The following AKAP6 variants were observed in gnomAD, a reference collection of about 807,000 sequenced individuals.
AKAP6 encodes A-kinase anchoring protein 6.
AKAP6 carries 58 observed loss-of-function variants against 188.5 expected under a neutral mutation model. The ratio of observed to expected loss-of-function variants is 0.31; its 90% CI spans 0.25 to 0.38. AKAP6 has a LOEUF of 0.38. Ranked by LOEUF, AKAP6 falls within the 10% of genes least tolerant of loss-of-function variation. The pLI, the probability that AKAP6 is intolerant of heterozygous loss-of-function variation, is 1.00. For synonymous variants in AKAP6, 989 were observed against 998.6 expected, an observed-to-expected ratio of 0.99 and a Z score of 0.18; for missense variants, 2,710 against 2,740.0, an observed-to-expected ratio of 0.99 and a Z score of 0.24.
At chr14:32,461,024 C>G (rs1288363841) in intron 2 of AKAP6, among the ~76,000 whole-genome samples, 1 of 152,204 alleles carries the variant, frequency 6.6e-6, no homozygotes, top group African/African-American at 2.4e-5. Flanking sequence ...TAAATTCCTC[C>G]TCACTGGGCA....
At chr14:32,535,524 C>T (rs1882632266) in intron 2 of AKAP6, 30 bp from the exon 3 acceptor site, 1 of 1,597,412 alleles carries the variant, frequency 6.3e-7, no homozygotes, top group South Asian at 1.1e-5. Context: ...GCAAAGTAGT[C>T]CTCACATATG....
intron 12 of AKAP6, among the ~76,000 whole-genome samples, chr14:32,775,776 C>G (rs1047392880): frequency 6.6e-5 from 10 of 152,136 alleles, no homozygotes; most frequent in African/African-American, 1.7e-4. Flanking sequence ...TTGAGGCAAC[C>G]CTGGCTGCTT....
chr14:32,383,677 A>G (rs1463715368), intron 1 of AKAP6, among the ~76,000 whole-genome samples: 1 of 152,148 alleles, frequency 6.6e-6, no homozygotes, highest in Non-Finnish European at 1.5e-5. Context: ...GGGGATGGGG[A>G]GCATACATTT....
At chr14:32,469,692 C>A (rs1007511186) in intron 2 of AKAP6, among the ~76,000 whole-genome samples, 5 of 138,820 alleles carry the variant, frequency 3.6e-5, no homozygotes, top group Admixed American at 2.9e-4. Flanking sequence ...TTTTTGAGAT[C>A]TGATATTTTT....
rs758902977 is a variant in AKAP6, at chr14:32,822,414, A to G, written c.4601A>G (p.His1534Arg). 6.2e-7 allele frequency: 1 copy of G among 1,613,816 alleles called. No homozygotes were observed. Among genetic ancestry groups the G allele is most frequent in the Non-Finnish European group, 8.5e-7 (1 of 1,179,758 alleles). ...PHERILASAS[H>R]EMDRISYKSG... is the part of the protein sequence containing the mutation. ...GAAAGGATTTTGGCAAGTGCATCTCATGAAATGGATCGCATTTCATATAAA... is the reference window on the plus strand; with the variant it reads ...GAAAGGATTTTGGCAAGTGCATCTCGTGAAATGGATCGCATTTCATATAAA... Residue 1534 changes from histidine to arginine, a missense_variant, in exon 13 of 14, where the codon CAT becomes CGT. By Grantham distance (29) the His-to-Arg change is conservative (BLOSUM62 0). This residue lies in a region of AKAP6 where 2,473 missense variants were observed against 2,426.1 expected (regional missense o/e 1.02). Transcript: ENST00000280979.
chr14:32,381,494 G>A (rs1475538141), intron 1 of AKAP6, among the ~76,000 whole-genome samples: 2 of 152,146 alleles, frequency 1.3e-5, no homozygotes, highest in African/African-American at 4.8e-5. Context: ...AACTAACTGA[G>A]AGCATATGAC....
Position 32,587,256 on chromosome 14 carries a change from C to T in AKAP6, c.2469+10014C>T, listed in dbSNP as rs570884291. Reference sequence around the variant, plus strand: ...TTGCTTCAGGATTTATAGGGGCTTTCTATATATTAAGGAAATTAGTCTCTT... The same window carrying T: ...TTGCTTCAGGATTTATAGGGGCTTTTTATATATTAAGGAAATTAGTCTCTT... On this transcript the variant is annotated intron_variant, in intron 5 of 13. Coordinates refer to ENST00000280979, the MANE Select transcript of AKAP6 (RefSeq NM_004274.5). 4.6e-5 allele frequency among the ~76,000 whole-genome samples: 7 copies of T among 151,736 alleles called. No homozygotes were observed. The East Asian group carries it at 1.4e-3, about 29-fold the overall frequency.
intron 2 of AKAP6, among the ~76,000 whole-genome samples, chr14:32,447,307 T>C (rs1890787352): frequency 6.6e-6 from 1 of 152,262 alleles, no homozygotes; most frequent in African/African-American, 2.4e-5. Context: ...TTTCTCCTAC[T>C]TTTTTGTATA....
Position 32,786,298 on chromosome 14 carries a change from C to CTTTTTTTTTTTTTTTTTTT in AKAP6, c.3588+12414_3588+12432dup, listed in dbSNP as rs1162974012. On this transcript the variant is annotated intron_variant, in intron 12 of 13. Transcript: ENST00000280979. ...CCCTCTGAAAGACCTAAACCTTTAT[C>CTTTTTTTTTTTTTTTTTTT]TTTTTTTTTTTTTTTTTTTTTTTTT... 5.0e-4 allele frequency among the ~76,000 whole-genome samples: 41 copies of CTTTTTTTTTTTTTTTTTTT among 82,554 alleles called. 1 individual carries two copies. Among genetic ancestry groups the CTTTTTTTTTTTTTTTTTTT allele is most frequent in the Non-Finnish European group, 5.6e-4 (26 of 46,664 alleles). The allele number at this position is 82,554 out of a possible 152,430, so 54.2% of individuals were successfully genotyped here. A position where few individuals can be genotyped will look rare whatever the true frequency, so the allele number is the denominator to read the frequency against.
intron 1 of AKAP6, among the ~76,000 whole-genome samples, chr14:32,332,681 G>T (rs182817656): frequency 7.2e-5 from 11 of 152,058 alleles, no homozygotes; most frequent in African/African-American, 2.7e-4. Flanking sequence ...ATTCCCTGCT[G>T]TTGCACCAGG....
chr14:32,508,375 C>G (rs1210917127), intron 2 of AKAP6, among the ~76,000 whole-genome samples: 1 of 152,114 alleles, frequency 6.6e-6, no homozygotes, highest in Non-Finnish European at 1.5e-5. Flanking sequence ...AAATAGAAAT[C>G]AAAAGGAGAC....
chr14:32,416,821 T>C (rs1287290028), intron 1 of AKAP6, among the ~76,000 whole-genome samples: 1 of 151,984 alleles, frequency 6.6e-6, no homozygotes, highest in Non-Finnish European at 1.5e-5. Flanking sequence ...TCACAAAGTG[T>C]ATTTTTTCTT....
At chr14:32,576,956 T>TTC (rs1884746903) in intron 4 of AKAP6, among the ~76,000 whole-genome samples, 164 bp from the exon 5 acceptor site, 1 of 152,174 alleles carries the variant, frequency 6.6e-6, no homozygotes, top group Admixed American at 6.5e-5. Flanking sequence ...GGTCCAGGAA[T>TTC]AGTGGAAATT....
chr14:32,584,821 T>C (rs1038081979), intron 5 of AKAP6, among the ~76,000 whole-genome samples: 3 of 152,230 alleles, frequency 2.0e-5, no homozygotes, highest in Admixed American at 6.5e-5. Context: ...GTATCAATTA[T>C]TAATTCTCTT....
chr14:32,741,603 G>A (rs1039299059), intron 11 of AKAP6, among the ~76,000 whole-genome samples: 2 of 151,776 alleles, frequency 1.3e-5, no homozygotes, highest in African/African-American at 2.4e-5. Flanking sequence ...TGCTTTTTCA[G>A]CATCAGTTTA....
At position 32,767,245 on chromosome 14, in the gene AKAP6, A is replaced by T. The variant is rs1218823850; in HGVS notation, c.3373-6433A>T. ...TATTACAGCATCAGAACACTAGGTG[A>T]TATTTTGTTTCTACATTGAACTTGT... On this transcript the variant is annotated intron_variant, in intron 11 of 13. Transcript: ENST00000280979. 3.3e-5 allele frequency among the ~76,000 whole-genome samples: 5 copies of T among 152,256 alleles called. No homozygotes were observed. In the South Asian group the frequency reaches 1.0e-3, roughly 32 times the overall value.
At chr14:32,814,853 C>T (rs762388024) in intron 12 of AKAP6, among the ~76,000 whole-genome samples, 7 of 152,138 alleles carry the variant, frequency 4.6e-5, no homozygotes, top group South Asian at 2.1e-4. Context: ...CTCAGCCTTA[C>T]GAGTAGCTGG....
chr14:32,480,108 T>TA (rs1879263467), intron 2 of AKAP6, among the ~76,000 whole-genome samples: 1 of 152,164 alleles, frequency 6.6e-6, no homozygotes, highest in Non-Finnish European at 1.5e-5. Context: ...TTGTGTCTCT[T>TA]ACTAGTCTGT....
At chr14:32,642,784 A>G (rs139877529) in intron 7 of AKAP6, among the ~76,000 whole-genome samples, 141 of 152,300 alleles carry the variant, frequency 9.3e-4, no homozygotes, top group African/African-American at 2.3e-3. Context: ...TCGATGCACA[A>G]GGATTTACAT....
Sources: gnomAD v4.1 joint callset for allele counts (sites outside exome capture counted in the v4.1 genomes callset) on GRCh38, gnomAD v4.1.1 for gene constraint, gnomAD v4.1.1 regional missense constraint, MANE v1.5 for transcripts, NCBI Gene and HGNC (gene_info 2026-07-23, HGNC 2026-07-21) for gene names.